ST18: variants seen among roughly 807,000 people sequenced by gnomAD.
The protein encoded by ST18 is suppression of tumorigenicity 18 protein.
ST18 carries 50 observed loss-of-function variants against 110.0 expected under a neutral mutation model. That is an observed-to-expected ratio of 0.45 (90% CI 0.36 to 0.58). The LOEUF (loss-of-function observed/expected upper bound fraction) is 0.58. Among genes scored for constraint, ST18 ranks in the 20% least tolerant of loss-of-function variants. The pLI, the probability that ST18 is intolerant of heterozygous loss-of-function variation, is 0.00. For synonymous variants in ST18, 461 were observed against 452.4 expected (o/e 1.02, Z -0.24); for missense variants, 1,306 against 1,280.1 (o/e 1.02, Z -0.31).
intron 9 of ST18, among the ~76,000 whole-genome samples, chr8:52,172,885 A>G (rs1047573009): frequency 3.3e-5 from 5 of 152,204 alleles, no homozygotes; most frequent in African/African-American, 1.2e-4. Context: ...CTTCTGGGGT[A>G]TTGACCAAGA....
chr8:52,129,503 A>C (rs1443711366), intron 22 of ST18, among the ~76,000 whole-genome samples: 2 of 151,640 alleles, frequency 1.3e-5, no homozygotes, highest in Admixed American at 1.3e-4. Context: ...GAAAGGAGAG[A>C]GCATTCCACC....
rs868304943 is a variant in ST18, at chr8:52,251,859, C to T, written c.-464-21782G>A. ...AAAGTTTCTTTTAATGTTTATATAC[C>T]GCTTGGGATTTTGAATTTCATGATG... On this transcript the variant is annotated intron_variant, in intron 2 of 25. Transcript: ENST00000689386. Among the ~76,000 whole-genome samples the T allele has an allele frequency of 2.6e-5, 4 of 151,910 alleles. No homozygotes were observed. In the South Asian group the frequency reaches 6.2e-4, roughly 24 times the overall value.
chr8:52,201,040 C>T (rs1467049263), intron 8 of ST18: 3 of 152,160 alleles, frequency 2.0e-5, no homozygotes, highest in African/African-American at 2.4e-5. Context: ...AAGATCACCA[C>T]CAAAGAGGAT....
intron 2 of ST18, among the ~76,000 whole-genome samples, chr8:52,300,959 A>C (rs1161956357): frequency 1.3e-5 from 2 of 152,240 alleles, no homozygotes; most frequent in Admixed American, 1.3e-4. Context: ...AACCACAAAT[A>C]CAGAAGAGAT....
At chr8:52,120,690 G>A (rs1469864782) in intron 23 of ST18, among the ~76,000 whole-genome samples, 1 of 152,162 alleles carries the variant, frequency 6.6e-6, no homozygotes, top group Non-Finnish European at 1.5e-5. Flanking sequence ...GCCAGGGAAG[G>A]GCTGTAGGTA....
chr8:52,328,658 T>C (rs1172014602), intron 2 of ST18, among the ~76,000 whole-genome samples: 3 of 152,244 alleles, frequency 2.0e-5, no homozygotes, highest in Non-Finnish European at 4.4e-5. Context: ...CAGCCTACCA[T>C]ATACAGCATT....
chr8:52,379,102 CTT>C (rs35639924), intron 2 of ST18, among the ~76,000 whole-genome samples: 25 of 145,692 alleles, frequency 1.7e-4, no homozygotes, highest in East Asian at 1.6e-3. Context: ...TCTTTTCTTT[CTT>C]TTTTTTTTTT....
intron 17 of ST18, among the ~76,000 whole-genome samples, chr8:52,139,858 T>C (rs1325998193): frequency 6.6e-6 from 1 of 152,192 alleles, no homozygotes; most frequent in Non-Finnish European, 1.5e-5. Flanking sequence ...CGGGGGAAAG[T>C]TGCAGTTTGG....
intron 2 of ST18, among the ~76,000 whole-genome samples, chr8:52,276,112 C>CT (rs1564392495): frequency 2.6e-5 from 1 of 37,862 alleles, no homozygotes; most frequent in Non-Finnish European, 5.7e-5. Context: ...GAAACACACA[C>CT]CGCACCTATC....
chr8:52,257,626 G>T (rs1349610000), intron 2 of ST18, among the ~76,000 whole-genome samples: 1 of 151,694 alleles, frequency 6.6e-6, no homozygotes, highest in African/African-American at 2.4e-5. Context: ...GTTTTAAGTT[G>T]GGTTATTTGT....
chr8:52,270,911 GT>G lies in ST18; in HGVS notation c.-464-40835del, dbSNP rs562488412. On this transcript the variant is annotated intron_variant, in intron 2 of 25. Coordinates refer to ENST00000689386, the MANE Select transcript of ST18 (RefSeq NM_001352837.2). ...ACTCAATCAAGTGGTTATAAGTTTTGTTTTTTTTTTTGAGATGGAGTCTCGC... is the reference window on the plus strand; with the variant it reads ...ACTCAATCAAGTGGTTATAAGTTTTGTTTTTTTTTTGAGATGGAGTCTCGC... 1.9e-4 allele frequency among the ~76,000 whole-genome samples: 27 copies of G among 144,746 alleles called. 1 individual carries two copies. The South Asian group carries it at 3.8e-3, about 20-fold the overall frequency. The allele number at this position is 144,746 out of a possible 152,430, so 95.0% of individuals were successfully genotyped here. A position where few individuals can be genotyped will look rare whatever the true frequency, so the allele number is the denominator to read the frequency against.
At chr8:52,351,517 T>C (rs1363403528) in intron 2 of ST18, among the ~76,000 whole-genome samples, 2 of 152,226 alleles carry the variant, frequency 1.3e-5, no homozygotes, top group African/African-American at 4.8e-5. Context: ...AACTCTGAGA[T>C]ATACTGAACT....
intron 2 of ST18, among the ~76,000 whole-genome samples, chr8:52,283,637 C>T (rs917320263): frequency 1.3e-5 from 2 of 152,230 alleles, no homozygotes; most frequent in East Asian, 3.9e-4. Flanking sequence ...AGACTGAGAT[C>T]GAGACTCAGC....
intron 8 of ST18, chr8:52,210,098 T>C (rs1355365148): frequency 4.4e-6 from 2 of 456,072 alleles, no homozygotes; most frequent in Non-Finnish European, 8.8e-6. Flanking sequence ...AGTGGCCTCA[T>C]GTCCACGGGC....
At chr8:52,217,270 T>C (rs1360528812) in intron 6 of ST18, among the ~76,000 whole-genome samples, 1 of 152,192 alleles carries the variant, frequency 6.6e-6, no homozygotes, top group East Asian at 1.9e-4. Flanking sequence ...AGATATATTC[T>C]GAAATTCCTA....
At chr8:52,360,592 T>A (rs1283657220) in intron 2 of ST18, among the ~76,000 whole-genome samples, 1 of 152,046 alleles carries the variant, frequency 6.6e-6, no homozygotes, top group African/African-American at 2.4e-5. Flanking sequence ...ATCTAGGAAA[T>A]CCTGTAGCAC....
At chr8:52,283,567 G>C (rs1589601616) in intron 2 of ST18, among the ~76,000 whole-genome samples, 1 of 152,280 alleles carries the variant, frequency 6.6e-6, no homozygotes, top group Non-Finnish European at 1.5e-5. Flanking sequence ...TGGTAGTGGT[G>C]GAGGTTCAGG....
intron 6 of ST18, among the ~76,000 whole-genome samples, chr8:52,216,599 G>T (rs1447009708): frequency 6.6e-6 from 1 of 152,110 alleles, no homozygotes; most frequent in Non-Finnish European, 1.5e-5. Context: ...GCTCATTGGG[G>T]AATAAGAACA....
intron 2 of ST18, among the ~76,000 whole-genome samples, chr8:52,373,328 C>G (rs1354343004): frequency 2.6e-5 from 4 of 152,140 alleles, no homozygotes; most frequent in Non-Finnish European, 5.9e-5. Flanking sequence ...CTTATGGTTA[C>G]TTATGAACTC....
Sources: allele counts gnomAD v4.1 joint callset (sites outside exome capture counted in the v4.1 genomes callset), GRCh38; gene constraint gnomAD v4.1.1; transcripts MANE v1.5; gene names NCBI Gene and HGNC (gene_info 2026-07-23, HGNC 2026-07-21).